BCOR: variants seen among roughly 807,000 people sequenced by gnomAD.
The protein encoded by BCOR is BCL6 corepressor.
Under a neutral mutation model 86.7 loss-of-function variants are expected in BCOR, and 10 were observed. The ratio of observed to expected loss-of-function variants is 0.12; its 90% CI spans 0.07 to 0.20. The LOEUF (loss-of-function observed/expected upper bound fraction) is 0.20, where lower values mean the gene tolerates loss of function less well. Among genes scored for constraint, BCOR ranks in the 10% least tolerant of loss-of-function variants. BCOR has a pLI of 1.00. For synonymous variants in BCOR, 611 were observed against 609.0 expected, an observed-to-expected ratio of 1.00 and a Z score of -0.05; for missense variants, 1,259 against 1,452.1, an observed-to-expected ratio of 0.87 and a Z score of 2.16.
At chrX:40,080,815 C>CGTGTGTGTGTGT (rs533981374) in intron 1 of BCOR, among the ~76,000 whole-genome samples, 3 of 65,996 alleles carry the variant, frequency 4.5e-5, no homozygotes, top group Non-Finnish European at 6.2e-5. Flanking sequence ...GGTTCACTGT[C>CGTGTGTGTGTGT]GTGTGTGTGT....
At chrX:40,173,348 G>A (rs941476665) in intron 1 of BCOR, among the ~76,000 whole-genome samples, 1 of 112,157 alleles carries the variant, frequency 8.9e-6, no homozygotes, top group Non-Finnish European at 1.9e-5. Flanking sequence ...GGGTTGTTCT[G>A]AGGATAACAT....
chrX:40,080,955 ACGTGCACGCACG>A (rs1936069180), intron 1 of BCOR, among the ~76,000 whole-genome samples: 1 of 82,417 alleles, frequency 1.2e-5, no homozygotes, highest in South Asian at 7.4e-4. Flanking sequence ...TTACGCACAC[ACGTGCACGCACG>A]CACACGCGCA....
chrX:40,132,198 C>T lies in BCOR; in HGVS notation c.-41+44809G>A, dbSNP rs753766797. On this transcript the variant is annotated intron_variant, in intron 1 of 14. Coordinates refer to the BCOR transcript ENST00000342274. ...TACAGGAGTGTGCCATCTCGGATATCCTTCCGATGGCTGCAGCCCCTGTTG... is the reference window on the plus strand; with the variant it reads ...TACAGGAGTGTGCCATCTCGGATATTCTTCCGATGGCTGCAGCCCCTGTTG... Among the ~76,000 whole-genome samples, 9 of 112,175 alleles carry T rather than the reference C, an allele frequency of 8.0e-5. No individual in the cohort carries two copies. The Admixed American group carries it at 8.5e-4, about 11-fold the overall frequency.
intron 1 of BCOR, among the ~76,000 whole-genome samples, chrX:40,109,611 C>CG (rs1284211452): frequency 2.7e-5 from 3 of 110,863 alleles, no homozygotes; most frequent in Non-Finnish European, 5.7e-5. Flanking sequence ...GGGGCCCGGA[C>CG]GGGGTCGGCG....
At chrX:40,126,870 GACACAC>G (rs752002930) in intron 1 of BCOR, among the ~76,000 whole-genome samples, 2 of 107,744 alleles carry the variant, frequency 1.9e-5, no homozygotes, top group East Asian at 5.8e-4. Context: ...AGGAGGTTAG[GACACAC>G]ACACACACAC....
At chrX:40,176,160 G>T (rs1199872614) in intron 1 of BCOR, among the ~76,000 whole-genome samples, 2 of 113,123 alleles carry the variant, frequency 1.8e-5, no homozygotes, top group Non-Finnish European at 3.8e-5. Flanking sequence ...TCCAGGTGGG[G>T]CCGATGGTTT....
chrX:40,129,267 C>T (rs4827196), intron 1 of BCOR, among the ~76,000 whole-genome samples: 14,679 of 110,685 alleles, frequency 0.13, 1,071 homozygotes, highest in African/African-American at 0.28. Context: ...GGGCAGATCA[C>T]GAGGTCAAGA....
rs1327945967 is a variant in BCOR at position 40,097,534 on chromosome X, G to GGGGGC, written c.-365_-361dup. The GGGGGC allele has an allele frequency of 7.3e-5, 8 of 109,371 alleles. No individual in the cohort carries two copies. The highest frequency in any genetic ancestry group is 3.8e-4 in the South Asian group (1 of 2,622). 9.0% of individuals were successfully genotyped at this position (109,371 alleles called of 1,213,427 possible). On this transcript the variant is annotated 5_prime_UTR_variant, in exon 1 of 15. Coordinates refer to ENST00000378444, the MANE Select transcript of BCOR (RefSeq NM_001123385.2). ...CCGAGGGGTGGGCTCTGGGCCGGGT[G>GGGGGC]GGGGCGGGGCGGGGCGGGCTCGGGG... is the stretch of plus-strand genomic sequence containing the variant.
At chrX:40,096,987 C>T (rs910644280) in intron 1 of BCOR, among the ~76,000 whole-genome samples, 2 of 113,372 alleles carry the variant, frequency 1.8e-5, no homozygotes, top group African/African-American at 6.4e-5. Context: ...CGCCCCCTCC[C>T]TCCCTGGTGC....
At chrX:40,061,625 G>C (rs1327239668) in intron 10 of BCOR, among the ~76,000 whole-genome samples, 1 of 107,270 alleles carries the variant, frequency 9.3e-6, no homozygotes, top group African/African-American at 3.4e-5. Flanking sequence ...CAGCCCTAAG[G>C]CTACTGTACC....
rs141275313 is a variant in BCOR at position 40,105,696 on chromosome X, C to G, written c.-40-27727G>C. 6.8e-4 allele frequency among the ~76,000 whole-genome samples: 77 copies of G among 112,591 alleles called. 1 individual carries two copies. In the East Asian group the frequency reaches 0.018, roughly 26 times the overall value. On this transcript the variant is annotated intron_variant, in intron 1 of 14. Transcript: ENST00000342274. ...GTGAGAGGCTGCCTACTGTTGTGTG[C>G]AGAGATCGCGGAGGAGAAAATAGGG...
intron 1 of BCOR, among the ~76,000 whole-genome samples, chrX:40,153,107 C>T (rs912282067): frequency 8.8e-6 from 1 of 113,392 alleles, no homozygotes; most frequent in African/African-American, 3.2e-5. Context: ...GACCGCGGAG[C>T]AGTCGGGGAC....
intron 1 of BCOR, among the ~76,000 whole-genome samples, chrX:40,172,407 G>A (rs996024624): frequency 8.9e-6 from 1 of 112,890 alleles, no homozygotes; most frequent in Non-Finnish European, 1.9e-5. Flanking sequence ...GCAGACCTTG[G>A]GGGGAAAGAG....
Position 40,052,166 on chromosome X carries a change from C to T in BCOR, c.5211G>A (p.Leu1737=). 1 of 1,207,760 alleles carries T rather than the reference C, an allele frequency of 8.3e-7. No homozygotes were observed. Among genetic ancestry groups the T allele is most frequent in the South Asian group, 1.8e-5 (1 of 56,131 alleles). ...VEFTNEIQTL[L]GSSVEWLHPS... ...GGTGGAGCCACTCTACAGAGGAGCCCAGCAGAGTCTGAATTTCGTTCGTGA... is the reference window on the plus strand; with the variant it reads ...GGTGGAGCCACTCTACAGAGGAGCCTAGCAGAGTCTGAATTTCGTTCGTGA... The change falls in exon 15 of 15, where the codon CTG becomes CTA. Residue 1737 remains leucine, a synonymous_variant. Transcript: ENST00000378444.
At chrX:40,114,363 G>A (rs1248809192) in intron 1 of BCOR, among the ~76,000 whole-genome samples, 1 of 111,451 alleles carries the variant, frequency 9.0e-6, no homozygotes, top group Non-Finnish European at 1.9e-5. Flanking sequence ...TCTGTCGGCT[G>A]GAGGAGCCAA....
At chrX:40,158,358 G>A (rs1453945926) in intron 1 of BCOR, among the ~76,000 whole-genome samples, 1 of 111,846 alleles carries the variant, frequency 8.9e-6, no homozygotes, top group Non-Finnish European at 1.9e-5. Context: ...CGCAGGCGGC[G>A]CTGCCCCCGG....
intron 1 of BCOR, among the ~76,000 whole-genome samples, chrX:40,161,542 C>T (rs528903384): frequency 1.2e-5 from 1 of 81,143 alleles, no homozygotes; most frequent in African/African-American, 4.9e-5. Context: ...GACTGAGTCT[C>T]GCTCTGTAGC....
At chrX:40,093,823 G>T (rs1936721799) in intron 1 of BCOR, among the ~76,000 whole-genome samples, 1 of 111,562 alleles carries the variant, frequency 9.0e-6, no homozygotes, top group Non-Finnish European at 1.9e-5. Context: ...TTGAACACCC[G>T]CATGAATTCT....
In BCOR at chrX:40,077,869, G is replaced by T; in HGVS notation, c.61C>A (p.Arg21Ser). The T allele has an allele frequency of 8.3e-7, 1 of 1,211,919 alleles. No individual in the cohort carries two copies. Among genetic ancestry groups the T allele is most frequent in the African/African-American group, 1.7e-5 (1 of 57,902 alleles). Residue 21 changes from arginine (R) to serine (S), a missense_variant, in exon 2 of 15, where the codon CGC becomes AGC. By Grantham distance (110) the Arg-to-Ser change is moderately radical. Coordinates refer to ENST00000378444, the MANE Select transcript of BCOR (RefSeq NM_001123385.2). The part of the protein sequence containing the change: ...VHSWMNSERV[R>S]MCGASEDRKI... ...CTGTCTTCGCTCGCCCCACACATGC[G>T]GACCCTCTCGCTGTTCATCCAGCTG...
Sources: gnomAD v4.1 joint callset for allele counts (sites outside exome capture counted in the v4.1 genomes callset) on GRCh38, gnomAD v4.1.1 for gene constraint, MANE v1.5 for transcripts, NCBI Gene and HGNC (gene_info 2026-07-23, HGNC 2026-07-21) for gene names.